The following MLLT1 variants were observed in gnomAD, a reference collection of about 807,000 sequenced individuals.
MLLT1 encodes the protein MLLT1 super elongation complex subunit, also known as protein ENL.
MLLT1 carries 11 observed loss-of-function variants against 55.1 expected under a neutral mutation model. The observed-to-expected ratio is 0.20, with a 90% CI of 0.13 to 0.33. The LOEUF (loss-of-function observed/expected upper bound fraction) is 0.33, where lower values mean the gene tolerates loss of function less well. MLLT1 is among the 10% of genes least tolerant of loss of function. The pLI is 1.00. For missense variants in MLLT1, 536 were observed against 760.6 expected (o/e 0.70, Z 3.47); for synonymous variants, 323 against 320.1 (o/e 1.01, Z -0.10).
At chr19:6,272,481 C>G (rs989993533) in intron 1 of MLLT1, among the ~76,000 whole-genome samples, 3 of 152,234 alleles carry the variant, frequency 2.0e-5, no homozygotes, top group South Asian at 2.1e-4. Context: ...CTGGCTCACA[C>G]GCTGCCCTGT....
intron 8 of MLLT1, among the ~76,000 whole-genome samples, chr19:6,215,774 C>T (rs1486438171): frequency 6.6e-6 from 1 of 152,160 alleles, no homozygotes; most frequent in East Asian, 1.9e-4. Context: ...TGGACCCCCG[C>T]CCGCTGAAGC....
At chr19:6,276,360 G>A (rs944699931) in intron 1 of MLLT1, among the ~76,000 whole-genome samples, 1 of 152,112 alleles carries the variant, frequency 6.6e-6, no homozygotes, top group African/African-American at 2.4e-5. Flanking sequence ...GGACTTCTGA[G>A]CCTGCATTTC....
intron 3 of MLLT1, among the ~76,000 whole-genome samples, chr19:6,261,209 C>T (rs915774312): frequency 5.3e-5 from 8 of 152,172 alleles, no homozygotes; most frequent in African/African-American, 1.4e-4. Context: ...CTTCTCCCAG[C>T]GGGGCCTCAA....
Position 6,273,909 on chromosome 19 carries a change from T to C in MLLT1, c.13-3150A>G, listed in dbSNP as rs2091413581. 6.6e-6 allele frequency among the ~76,000 whole-genome samples: 1 copy of C among 151,808 alleles called. No homozygotes were observed. Among genetic ancestry groups the C allele is most frequent in the Non-Finnish European group, 1.5e-5 (1 of 67,950 alleles). ...CGGCAGAGCAGTTATTGTGAAAGAG[T>C]GAAAGACCGCGGTTCCACTGGAGAG... On this transcript the variant is annotated intron_variant, in intron 1 of 11. Transcript: ENST00000252674. This position sits in a 1 kb window ranked among gnomAD's most constrained non-coding sequence, Gnocchi z 4.3.
At position 6,279,850 on chromosome 19, in the gene MLLT1, T is replaced by C; in HGVS notation, c.-66A>G. 7.0e-6 allele frequency: 1 copy of C among 142,330 alleles called. No individual in the cohort carries two copies. Among genetic ancestry groups the C allele is most frequent in the Non-Finnish European group, 1.5e-5 (1 of 67,736 alleles). 8.8% of individuals were successfully genotyped at this position (142,330 alleles called of 1,614,324 possible). Reference sequence around the variant, plus strand: ...CCGCCGCCGCCGCCGCCGCCGCCGCTCAACGCCGCCCCGCCGCCCTCATTG... The same window carrying C: ...CCGCCGCCGCCGCCGCCGCCGCCGCCCAACGCCGCCCCGCCGCCCTCATTG... On this transcript the variant is annotated 5_prime_UTR_variant, in exon 1 of 12. An upstream open reading frame in the 5' UTR loses its in-frame stop. Coordinates refer to ENST00000252674, the MANE Select transcript of MLLT1 (RefSeq NM_005934.4).
chr19:6,213,869 C>T (rs2090808283), intron 9 of MLLT1, 70 bp downstream of exon 9: 4 of 1,565,726 alleles, frequency 2.6e-6, no homozygotes, highest in Middle Eastern at 1.7e-4. Context: ...CACAAACCCT[C>T]CTAGGACAGC....
chr19:6,225,410 C>T (rs1736793229), intron 5 of MLLT1, among the ~76,000 whole-genome samples: 1 of 152,196 alleles, frequency 6.6e-6, no homozygotes, highest in African/African-American at 2.4e-5. Context: ...AGGCAGAGAG[C>T]CAGTGACCAA....
intron 3 of MLLT1, among the ~76,000 whole-genome samples, chr19:6,253,330 C>T (rs913290507): frequency 1.5e-5 from 2 of 135,124 alleles, no homozygotes; most frequent in African/African-American, 5.6e-5. Flanking sequence ...TATCAAGAGA[C>T]GGAATCAGAA....
At position 6,226,953 on chromosome 19, in the gene MLLT1, G is replaced by C; in HGVS notation, c.546+24C>G. 2 of 1,566,668 alleles carry C rather than the reference G, an allele frequency of 1.3e-6. No homozygotes were observed. The highest frequency in any genetic ancestry group is 1.7e-6 in the Non-Finnish European group (2 of 1,158,112). ...CAGCTGGGCCCCGGCGCTCCCACGC[G>C]ACTGGGCCTTCCGCCTCACTAACCT... On this transcript the variant is annotated intron_variant, in intron 5 of 11. Coordinates refer to ENST00000252674, the MANE Select transcript of MLLT1 (RefSeq NM_005934.4). This position sits in a 1 kb window ranked among gnomAD's most constrained non-coding sequence, Gnocchi z 6.3.
rs554353909 is a variant in MLLT1 at position 6,222,900 on chromosome 19, C to T, written c.547-216G>A. On this transcript the variant is annotated intron_variant, in intron 5 of 11. Coordinates refer to ENST00000252674, the MANE Select transcript of MLLT1 (RefSeq NM_005934.4). This position sits in a 1 kb window ranked among gnomAD's most constrained non-coding sequence, Gnocchi z 4.1. ...CTACTAGGAAGTGTCAGCTGGTCCC[C>T]GGCAGCTGCAGGCTAAGATTCCCCT... Among the ~76,000 whole-genome samples, 44 of 152,316 alleles carry T rather than the reference C, an allele frequency of 2.9e-4. No individual in the cohort carries two copies. The highest frequency in any genetic ancestry group is 9.4e-4 in the African/African-American group (39 of 41,566).
chr19:6,267,790 TAAC>T, intron 2 of MLLT1, among the ~76,000 whole-genome samples: 1 of 152,278 alleles, frequency 6.6e-6, no homozygotes, highest in Non-Finnish European at 1.5e-5. Flanking sequence ...TCAATAAGCT[TAAC>T]AACGTCCATT....
Position 6,213,734 on chromosome 19 carries a change from A to G in MLLT1, c.1471T>C (p.Tyr491His). Residue 491 changes from tyrosine (Y) to histidine (H), a missense_variant, in exon 10 of 12, where the codon TAC becomes CAC. Around this residue, in one of 3 missense-constraint regions of MLLT1, gnomAD observed 449 missense variants for 489.0 expected, o/e 0.92. Coordinates refer to ENST00000252674, the MANE Select transcript of MLLT1 (RefSeq NM_005934.4). ...KPEKILKKGTYDKAYTDELVE... is the reference protein window; with the variant it reads ...KPEKILKKGTHDKAYTDELVE... ...CGTAGGTGCCCCCCCACCTTGTCGT[A>G]GGTGCCCTTCTTGAGGATCTTCTCA... is the stretch of plus-strand genomic sequence containing the variant. 1.3e-6 allele frequency: 2 copies of G among 1,575,914 alleles called. No homozygotes were observed. The highest frequency in any genetic ancestry group is 1.7e-6 in the Non-Finnish European group (2 of 1,165,378).
intron 3 of MLLT1, among the ~76,000 whole-genome samples, chr19:6,257,719 T>G (rs2091269558): frequency 6.6e-6 from 1 of 152,028 alleles, no homozygotes; most frequent in Admixed American, 6.6e-5. Flanking sequence ...GAAAATCACT[T>G]GAACCCAGGA....
rs1600171820 is a variant in MLLT1 at position 6,218,157 on chromosome 19, C to T, written c.1111-116G>A. On this transcript the variant is annotated intron_variant, in intron 6 of 11. Coordinates refer to ENST00000252674, the MANE Select transcript of MLLT1 (RefSeq NM_005934.4). ...CGCTGAGTGGGTCTCCCCCAGACAC[C>T]CCTAGGGTCCCAAGGGTACCCACGT... 2.8e-6 allele frequency: 4 copies of T among 1,430,080 alleles called. No homozygotes were observed. The Admixed American group carries it at 1.0e-4, about 36-fold the overall frequency. The allele number at this position is 1,430,080 out of a possible 1,614,324, so 88.6% of individuals were successfully genotyped here.
rs914468727 is a variant in MLLT1, at chr19:6,212,699, G to A, written c.*343C>T. 2.1e-5 allele frequency: 24 copies of A among 1,133,068 alleles called. No individual in the cohort carries two copies. In the South Asian group the frequency reaches 2.6e-4, roughly 12 times the overall value. The allele number at this position is 1,133,068 out of a possible 1,614,324, so 70.2% of individuals were successfully genotyped here. On this transcript the variant is annotated 3_prime_UTR_variant, in exon 12 of 12. Transcript: ENST00000252674. ...TCAGAAAGGCTGGGGCAGCGACGCC[G>A]CACAGCCCGCCGAGCAGTGGGGGCT... is the stretch of plus-strand genomic sequence containing the variant.
At chr19:6,264,676 T>C (rs2091332204) in intron 2 of MLLT1, among the ~76,000 whole-genome samples, 1 of 151,076 alleles carries the variant, frequency 6.6e-6, no homozygotes, top group Non-Finnish European at 1.5e-5. Flanking sequence ...GAGGCCGAGG[T>C]GGGAGGATCA....
In MLLT1 at chr19:6,227,167, C is replaced by A; in HGVS notation, c.421-65G>T. 6.6e-7 allele frequency: 1 copy of A among 1,521,010 alleles called. No individual in the cohort carries two copies. The allele number at this position is 1,521,010 out of a possible 1,614,324, so 94.2% of individuals were successfully genotyped here. Reference sequence around the variant, plus strand: ...GGGCAGGGGGCCCACACGGGCCGGGCTGAAGGTGGTGGGGCTTCCCTCTGC... The same window carrying A: ...GGGCAGGGGGCCCACACGGGCCGGGATGAAGGTGGTGGGGCTTCCCTCTGC... On this transcript the variant is annotated intron_variant, in intron 4 of 11. Coordinates refer to ENST00000252674, the MANE Select transcript of MLLT1 (RefSeq NM_005934.4). The surrounding 1 kb of genome is among the most constrained non-coding windows in gnomAD (Gnocchi z 5.1).
intron 3 of MLLT1, chr19:6,259,798 T>A (rs1379764419): frequency 3.8e-5 from 2 of 52,290 alleles, no homozygotes; most frequent in African/African-American, 2.9e-4. Flanking sequence ...GAAACATGAC[T>A]TAAAAAAAAA....
intron 3 of MLLT1, among the ~76,000 whole-genome samples, chr19:6,238,469 C>G (rs1195992106): frequency 4.6e-5 from 7 of 152,246 alleles, no homozygotes; most frequent in Non-Finnish European, 1.0e-4. Context: ...GCACCCCATG[C>G]AGGCTGGCGG....
Sources: allele counts gnomAD v4.1 joint callset (sites outside exome capture counted in the v4.1 genomes callset), GRCh38; gene constraint gnomAD v4.1.1; regional missense constraint gnomAD v4.1.1; non-coding constraint Gnocchi (gnomAD v3.1); transcripts MANE v1.5; gene names NCBI Gene and HGNC (gene_info 2026-07-23, HGNC 2026-07-21).